Variants in DCDC2 observed in about 807,000 individuals in gnomAD.
DCDC2 encodes doublecortin domain containing 2.
Under a neutral mutation model 50.2 loss-of-function variants are expected in DCDC2, and 40 were observed. The ratio of observed to expected loss-of-function variants is 0.80; its 90% CI spans 0.62 to 1.04. The LOEUF (loss-of-function observed/expected upper bound fraction) is 1.04. Among genes scored for constraint, DCDC2 ranks in the 50% least tolerant of loss-of-function variants. DCDC2 has a pLI of 0.00. For missense variants in DCDC2, 570 were observed against 581.9 expected (o/e 0.98, Z 0.21); for synonymous variants, 234 against 210.6 (o/e 1.11, Z -0.96).
Position 24,174,625 on chromosome 6 carries a change from G to A in DCDC2, c.*105C>T, listed in dbSNP as rs903908903. 5.6e-6 allele frequency: 4 copies of A among 718,100 alleles called. No homozygotes were observed. Among genetic ancestry groups the A allele is most frequent in the East Asian group, 2.6e-5 (1 of 38,470 alleles). The allele number at this position is 718,100 out of a possible 1,614,324, so 44.5% of individuals were successfully genotyped here. A position where few individuals can be genotyped will look rare whatever the true frequency, so the allele number is the denominator to read the frequency against. ...ATGTTATAATTCGTAGGTAGTATTC[G>A]ACCATAGTGTCACATTATATTCAGC... is the stretch of plus-strand genomic sequence containing the variant. On this transcript the variant is annotated 3_prime_UTR_variant, in exon 10 of 10. Coordinates refer to ENST00000378454, the MANE Select transcript of DCDC2 (RefSeq NM_016356.5).
intron 2 of DCDC2, among the ~76,000 whole-genome samples, chr6:24,317,752 T>C (rs1270356093): frequency 6.6e-6 from 1 of 151,158 alleles, no homozygotes; most frequent in Non-Finnish European, 1.5e-5. Context: ...ATATCAGAGA[T>C]AAAGCATAAA....
At chr6:24,178,251 G>A (rs1760969243) in intron 9 of DCDC2, 79 bp downstream of exon 9, 1 of 1,433,604 alleles carries the variant, frequency 7.0e-7, no homozygotes. Context: ...CTAAACACTT[G>A]ATTAATTCTC....
chr6:24,375,396 A>G, the DCDC2 span, among the ~76,000 whole-genome samples: 1 of 145,684 alleles, frequency 6.9e-6, no homozygotes, highest in African/African-American at 2.5e-5. Flanking sequence ...GAACAAGTCA[A>G]TCATGGTGGG....
intron 7 of DCDC2, among the ~76,000 whole-genome samples, chr6:24,232,535 AT>A (rs1234693614): frequency 1.3e-5 from 2 of 152,232 alleles, no homozygotes. Flanking sequence ...GAGAAAGTAA[AT>A]GGTTCAACCC....
intron 7 of DCDC2, among the ~76,000 whole-genome samples, chr6:24,258,969 A>C (rs990993683): frequency 9.2e-5 from 14 of 152,214 alleles, no homozygotes; most frequent in African/African-American, 3.4e-4. Context: ...TAAAGGCTGC[A>C]ATCTCCTTGG....
At chr6:24,365,282 C>A in the DCDC2 span, among the ~76,000 whole-genome samples, 1 of 152,188 alleles carries the variant, frequency 6.6e-6, no homozygotes, top group African/African-American at 2.4e-5. Context: ...ATTGCCTCAC[C>A]TAGGTTTAGA....
chr6:24,277,266 GGGTGT>G (rs148550255), intron 7 of DCDC2, among the ~76,000 whole-genome samples: 106,880 of 150,448 alleles, frequency 0.71, 39,558 homozygotes, highest in East Asian at 0.95. Flanking sequence ...CCCACGGGTG[GGGTGT>G]GGTGGGGTGG....
At chr6:24,246,118 GC>G (rs1419105570) in intron 7 of DCDC2, among the ~76,000 whole-genome samples, 3 of 151,970 alleles carry the variant, frequency 2.0e-5, no homozygotes, top group Non-Finnish European at 2.9e-5. Context: ...AAGCCACCGC[GC>G]CCGGCCTGGA....
intron 7 of DCDC2, among the ~76,000 whole-genome samples, chr6:24,214,954 C>G (rs1761944638): frequency 6.6e-6 from 1 of 152,204 alleles, no homozygotes; most frequent in Non-Finnish European, 1.5e-5. Context: ...TCCTCATGCT[C>G]CCACATGTGC....
rs548517197 is a variant in DCDC2 at position 24,339,053 on chromosome 6, T to C, written c.348+14516A>G. Among the ~76,000 whole-genome samples, 15 of 152,260 alleles carry C rather than the reference T, an allele frequency of 9.9e-5. No homozygotes were observed. The South Asian group carries it at 1.2e-3, about 13-fold the overall frequency. On this transcript the variant is annotated intron_variant, in intron 2 of 9. Transcript: ENST00000378454. Reference sequence around the variant, plus strand: ...TCACATAGTTCCATTCCCAACCTTCTATCCCAACCTCTTCCCGTGATTCAG... The same window carrying C: ...TCACATAGTTCCATTCCCAACCTTCCATCCCAACCTCTTCCCGTGATTCAG...
chr6:24,188,436 C>G (rs959722820), intron 8 of DCDC2, among the ~76,000 whole-genome samples: 3 of 152,120 alleles, frequency 2.0e-5, no homozygotes, highest in Admixed American at 2.0e-4. Flanking sequence ...GCCATAAAGA[C>G]AGTTCTACAA....
At chr6:24,317,849 C>A (rs550708908) in intron 2 of DCDC2, among the ~76,000 whole-genome samples, 1 of 150,838 alleles carries the variant, frequency 6.6e-6, no homozygotes, top group Non-Finnish European at 1.5e-5. Flanking sequence ...CAAGAACAGG[C>A]AATTCATGTT....
intron 8 of DCDC2, among the ~76,000 whole-genome samples, chr6:24,188,505 C>A (rs560747585): frequency 6.6e-6 from 1 of 152,216 alleles, no homozygotes; most frequent in African/African-American, 2.4e-5. Context: ...TAAAAATAAA[C>A]CCATCACTGC....
chr6:24,301,492 G>A (rs192350676), intron 4 of DCDC2, among the ~76,000 whole-genome samples: 7 of 151,148 alleles, frequency 4.6e-5, no homozygotes, highest in Non-Finnish European at 1.0e-4. Context: ...ATTTGTAGAT[G>A]TGCTACTATG....
At chr6:24,231,965 T>A (rs561766644) in intron 7 of DCDC2, among the ~76,000 whole-genome samples, 24 of 151,738 alleles carry the variant, frequency 1.6e-4, no homozygotes, top group African/African-American at 5.8e-4. Context: ...GACTTCAAGA[T>A]AATATTTGTT....
chr6:24,302,905 T>G (rs1416343282), intron 2 of DCDC2, among the ~76,000 whole-genome samples: 1 of 152,024 alleles, frequency 6.6e-6, no homozygotes, highest in Non-Finnish European at 1.5e-5. Context: ...TCTCAGCAGG[T>G]CATTTCATTC....
chr6:24,358,936 T>TATATA (rs1561788593), upstream of DCDC2, among the ~76,000 whole-genome samples: 436 of 16,914 alleles, frequency 0.026, 22 homozygotes, highest in African/African-American at 0.1. Flanking sequence ...TATTATATAT[T>TATATA]TTATATATTA....
intron 7 of DCDC2, among the ~76,000 whole-genome samples, chr6:24,241,563 G>A (rs1361702664): frequency 6.6e-6 from 1 of 152,038 alleles, no homozygotes; most frequent in Non-Finnish European, 1.5e-5. Context: ...CATTTCTAAA[G>A]TATTCTCCAA....
intron 6 of DCDC2, among the ~76,000 whole-genome samples, chr6:24,286,066 C>T (rs995340078): frequency 2.0e-5 from 3 of 152,154 alleles, no homozygotes; most frequent in Non-Finnish European, 4.4e-5. Context: ...ATTGTTTTCA[C>T]CTCCTGAAAT....
Sources: gnomAD v4.1 joint callset for allele counts (sites outside exome capture counted in the v4.1 genomes callset) on GRCh38, gnomAD v4.1.1 for gene constraint, MANE v1.5 for transcripts, NCBI Gene and HGNC (gene_info 2026-07-23, HGNC 2026-07-21) for gene names.